Variants in CHN1 observed in about 807,000 individuals in gnomAD.
CHN1 encodes chimerin 1.
A neutral mutation model predicts 59.5 loss-of-function variants in CHN1; 37 were observed. The observed-to-expected ratio is 0.62, with a 90% CI of 0.48 to 0.82. The LOEUF is 0.82. Ranked by LOEUF, CHN1 falls within the 40% of genes least tolerant of loss-of-function variation. The pLI is 0.00. For missense variants in CHN1, 469 were observed against 571.0 expected, an observed-to-expected ratio of 0.82 and a Z score of 1.82; for synonymous variants, 206 against 200.4, an observed-to-expected ratio of 1.03 and a Z score of -0.24.
chr2:174,835,658 T>C (rs940198526), intron 7 of CHN1, among the ~76,000 whole-genome samples: 8 of 151,990 alleles, frequency 5.3e-5, no homozygotes, highest in African/African-American at 1.5e-4. Context: ...TCTTCTGTGG[T>C]ATCTAATATG....
intron 3 of CHN1, among the ~76,000 whole-genome samples, chr2:174,929,163 A>G (rs1258626722): frequency 6.6e-6 from 1 of 152,264 alleles, no homozygotes; most frequent in Non-Finnish European, 1.5e-5. Flanking sequence ...ACATTTTCCC[A>G]AAGAAAACCA....
chr2:174,982,918 C>T (rs982417078), intron 1 of CHN1, among the ~76,000 whole-genome samples: 1 of 152,034 alleles, frequency 6.6e-6, no homozygotes, highest in Non-Finnish European at 1.5e-5. Flanking sequence ...GATTCAGAAG[C>T]ATTTTACTTG....
At chr2:174,861,302 T>A (rs1458354472) in intron 6 of CHN1, among the ~76,000 whole-genome samples, 3 of 152,194 alleles carry the variant, frequency 2.0e-5, no homozygotes, top group Non-Finnish European at 4.4e-5. Context: ...TGCAGAGAGC[T>A]CTCAAAACTC....
chr2:174,937,643 G>A (rs1193626), intron 3 of CHN1, among the ~76,000 whole-genome samples: 7,272 of 151,742 alleles, frequency 0.048, 566 homozygotes, highest in African/African-American at 0.17. Flanking sequence ...CCCAATGTTG[G>A]GGACAGAGCC....
At chr2:174,869,713 C>T (rs1389026974) in intron 6 of CHN1, among the ~76,000 whole-genome samples, 2 of 152,110 alleles carry the variant, frequency 1.3e-5, no homozygotes, top group East Asian at 1.9e-4. Flanking sequence ...GACATGGGCT[C>T]ATTTGTAGAG....
intron 11 of CHN1, among the ~76,000 whole-genome samples, chr2:174,805,110 C>T (rs1262351684): frequency 6.6e-6 from 1 of 152,054 alleles, no homozygotes; most frequent in Non-Finnish European, 1.5e-5. Context: ...GTCAAATATA[C>T]AAAATACACA....
intron 1 of CHN1, among the ~76,000 whole-genome samples, chr2:174,987,310 A>G (rs1400331537): frequency 6.6e-6 from 1 of 152,132 alleles, no homozygotes; most frequent in African/African-American, 2.4e-5. Flanking sequence ...ACATAGCAAG[A>G]AAGAGGAAAT....
chr2:174,828,669 A>G (rs1041327498), intron 7 of CHN1, among the ~76,000 whole-genome samples: 1 of 152,260 alleles, frequency 6.6e-6, no homozygotes, highest in African/African-American at 2.4e-5. Context: ...TACAATGAAC[A>G]TTCAAAATAT....
rs34733435 is a variant in CHN1 at position 174,843,974 on chromosome 2, CTG to C, written c.627+2904_627+2905del. On this transcript the variant is annotated intron_variant, in intron 7 of 12. Coordinates refer to ENST00000409900, the MANE Select transcript of CHN1 (RefSeq NM_001822.7). ...AGTTTGTTTTGTTCTCTCTCTTTCT[CTG>C]TGTGTGTGTGTGTGTGTTGTATGTT... is the stretch of plus-strand genomic sequence containing the variant. Among the ~76,000 whole-genome samples the C allele has an allele frequency of 4.6e-3, 683 of 149,998 alleles. 6 individuals carry two copies. Among genetic ancestry groups the C allele is most frequent in the African/African-American group, 0.016 (635 of 40,960 alleles).
intron 6 of CHN1, among the ~76,000 whole-genome samples, chr2:174,871,533 A>G (rs1687407524): frequency 6.6e-6 from 1 of 152,184 alleles, no homozygotes; most frequent in Non-Finnish European, 1.5e-5. Flanking sequence ...TACTGGGGGA[A>G]AAAAGCCTTG....
At chr2:174,875,512 A>G (rs866798598) in intron 6 of CHN1, among the ~76,000 whole-genome samples, 1 of 152,192 alleles carries the variant, frequency 6.6e-6, no homozygotes, top group East Asian at 1.9e-4. Flanking sequence ...CTTCCCAGAA[A>G]GCTAGGGAAA....
chr2:174,987,406 CTTTTT>C (rs893724969), intron 1 of CHN1, among the ~76,000 whole-genome samples: 4 of 140,786 alleles, frequency 2.8e-5, no homozygotes, highest in African/African-American at 1.0e-4. Context: ...ACTCTTTTTT[CTTTTT>C]TTTTTTTTTT....
chr2:174,875,368 A>G (rs953588166), intron 6 of CHN1, among the ~76,000 whole-genome samples: 8 of 152,178 alleles, frequency 5.3e-5, no homozygotes, highest in Middle Eastern at 3.2e-3. Context: ...ATAAACTAAA[A>G]GCAGACCTCA....
At chr2:174,840,803 T>C (rs936279383) in intron 7 of CHN1, among the ~76,000 whole-genome samples, 1 of 152,070 alleles carries the variant, frequency 6.6e-6, no homozygotes, top group African/African-American at 2.4e-5. Context: ...AGAGCCAATC[T>C]TTTCAGGGGC....
chr2:174,882,529 A>G (rs1358016348), intron 5 of CHN1, among the ~76,000 whole-genome samples: 1 of 152,214 alleles, frequency 6.6e-6, no homozygotes, highest in African/African-American at 2.4e-5. Flanking sequence ...TGCAAAACCA[A>G]GAATTAATTC....
chr2:174,824,004 T>C (rs2105401118), intron 8 of CHN1, among the ~76,000 whole-genome samples: 1 of 152,350 alleles, frequency 6.6e-6, no homozygotes, highest in Admixed American at 6.5e-5. Flanking sequence ...CACAAAAATT[T>C]AGTAAGGACA....
intron 4 of CHN1, among the ~76,000 whole-genome samples, chr2:174,916,813 C>T (rs2105372037): frequency 6.6e-6 from 1 of 152,286 alleles, no homozygotes; most frequent in African/African-American, 2.4e-5. Flanking sequence ...CTATCCCTTG[C>T]TATTTAGCAC....
intron 1 of CHN1, among the ~76,000 whole-genome samples, chr2:174,982,308 T>C (rs1303776423): frequency 1.3e-5 from 2 of 152,190 alleles, no homozygotes; most frequent in Non-Finnish European, 2.9e-5. Context: ...TTTGGGTATA[T>C]ACCCAGTAAC....
chr2:174,904,060 C>T (rs927452217), intron 5 of CHN1, among the ~76,000 whole-genome samples: 3 of 151,750 alleles, frequency 2.0e-5, no homozygotes, highest in Non-Finnish European at 2.9e-5. Flanking sequence ...GTTGGGAGTT[C>T]GAGACCAGCC....
Sources: allele counts gnomAD v4.1 joint callset (sites outside exome capture counted in the v4.1 genomes callset), GRCh38; gene constraint gnomAD v4.1.1; transcripts MANE v1.5; gene names NCBI Gene and HGNC (gene_info 2026-07-23, HGNC 2026-07-21).